The following SH3GL3 variants were observed in gnomAD, a reference collection of about 807,000 sequenced individuals.
The protein encoded by SH3GL3 is endophilin-A3.
Under a neutral mutation model 47.7 loss-of-function variants are expected in SH3GL3, and 33 were observed. That is an observed-to-expected ratio of 0.69 (90% CI 0.52 to 0.92). The LOEUF (loss-of-function observed/expected upper bound fraction) is 0.92, where lower values mean the gene tolerates loss of function less well. SH3GL3 is among the 40% of genes least tolerant of loss of function. The pLI is 0.00. For missense variants in SH3GL3, 363 were observed against 417.8 expected, an observed-to-expected ratio of 0.87 and a Z score of 1.14; for synonymous variants, 155 against 148.8, an observed-to-expected ratio of 1.04 and a Z score of -0.30.
At chr15:83,488,137 G>A (rs530431844) in intron 1 of SH3GL3, 345 of 152,264 alleles carry the variant, frequency 2.3e-3, no homozygotes, top group Non-Finnish European at 3.5e-3. Flanking sequence ...CGGCCTCCCA[G>A]AGTGCTGGGA....
At chr15:83,480,489 G>A (rs1032758321) in intron 1 of SH3GL3, among the ~76,000 whole-genome samples, 11 of 152,184 alleles carry the variant, frequency 7.2e-5, no homozygotes, top group Non-Finnish European at 1.2e-4. Context: ...ACCTTGTGGG[G>A]CCAGCATGAG....
At chr15:83,549,468 G>T (rs2044557446) in intron 1 of SH3GL3, among the ~76,000 whole-genome samples, 1 of 152,168 alleles carries the variant, frequency 6.6e-6, no homozygotes, top group African/African-American at 2.4e-5. Flanking sequence ...GTGAGGGCAT[G>T]TCCCCTTGCT....
intron 1 of SH3GL3, among the ~76,000 whole-genome samples, chr15:83,507,550 G>A (rs929145983): frequency 3.9e-5 from 6 of 151,972 alleles, no homozygotes; most frequent in African/African-American, 1.5e-4. Context: ...GAGTAGCTGG[G>A]ATTACAGGTG....
intron 1 of SH3GL3, among the ~76,000 whole-genome samples, chr15:83,556,087 G>A (rs991127078): frequency 5.3e-5 from 8 of 152,238 alleles, no homozygotes; most frequent in Non-Finnish European, 1.0e-4. Context: ...ACCAGAAATA[G>A]AAGCTTGAGT....
intron 8 of SH3GL3, among the ~76,000 whole-genome samples, chr15:83,596,873 C>A (rs1448546745): frequency 2.0e-5 from 3 of 152,068 alleles, no homozygotes; most frequent in Non-Finnish European, 4.4e-5. Flanking sequence ...TTTTGTCCTT[C>A]CTCGGACAAA....
intron 8 of SH3GL3, among the ~76,000 whole-genome samples, chr15:83,615,201 G>A (rs1473890990): frequency 1.3e-5 from 2 of 152,038 alleles, no homozygotes; most frequent in African/African-American, 4.8e-5. Flanking sequence ...TGAGAGAAAT[G>A]TGTCATATTA....
chr15:83,605,201 C>T (rs1449778283), intron 8 of SH3GL3, among the ~76,000 whole-genome samples: 1 of 152,190 alleles, frequency 6.6e-6, no homozygotes, highest in Non-Finnish European at 1.5e-5. Context: ...CACTGTGTGT[C>T]TTTTGCCTGT....
intron 1 of SH3GL3, among the ~76,000 whole-genome samples, chr15:83,489,862 GATAGATAGATAGATAGATAGATAGATA>G (rs2151578192): frequency 1.3e-5 from 2 of 150,474 alleles, no homozygotes; most frequent in African/African-American, 5.0e-5. Flanking sequence ...TAGATAGATA[GATAGATAGATAGATAGATAGATAGATA>G]ATAGATAGAT....
At chr15:83,575,254 T>TG (rs2059644362) in intron 5 of SH3GL3, among the ~76,000 whole-genome samples, 1 of 152,218 alleles carries the variant, frequency 6.6e-6, no homozygotes, top group East Asian at 1.9e-4. Flanking sequence ...TATTTCTTCT[T>TG]GTGCTGTCAT....
chr15:83,453,486 C>T (rs2039876485), intron 1 of SH3GL3, among the ~76,000 whole-genome samples: 1 of 142,706 alleles, frequency 7.0e-6, no homozygotes, highest in African/African-American at 2.6e-5. Flanking sequence ...AATTTCAGAG[C>T]CTGTTATTGG....
At chr15:83,599,902 T>C (rs553774375) in intron 8 of SH3GL3, among the ~76,000 whole-genome samples, 190 of 152,364 alleles carry the variant, frequency 1.2e-3, no homozygotes, top group African/African-American at 4.4e-3. Flanking sequence ...GGTAAGTTGA[T>C]ATCGCATTGT....
intron 1 of SH3GL3, among the ~76,000 whole-genome samples, chr15:83,531,178 T>C (rs1466925540): frequency 6.6e-6 from 1 of 152,224 alleles, no homozygotes; most frequent in Non-Finnish European, 1.5e-5. Context: ...GTGCTGAGGA[T>C]ACCATAATGA....
intron 1 of SH3GL3, among the ~76,000 whole-genome samples, chr15:83,554,693 G>T (rs1049355625): frequency 6.6e-6 from 1 of 152,160 alleles, no homozygotes; most frequent in African/African-American, 2.4e-5. Flanking sequence ...GTGCCTAGCC[G>T]ATTTCTTCTT....
rs1595985743 is a variant in SH3GL3, at chr15:83,447,605, G to A, written c.45+27G>A. 2 of 1,471,682 alleles carry A rather than the reference G, an allele frequency of 1.4e-6. No individual in the cohort carries two copies. Among genetic ancestry groups the A allele is most frequent in the Non-Finnish European group, 1.8e-6 (2 of 1,100,108 alleles). 91.2% of individuals were successfully genotyped at this position (1,471,682 alleles called of 1,614,324 possible). ...TAGGGAGGCGCAGAGGAGGGAAGGA[G>A]GGAGGGGGACGCGGAGGCTGCGGCC... On this transcript the variant is annotated intron_variant, in intron 1 of 8. Transcript: ENST00000427482. This position sits in a 1 kb window ranked among gnomAD's most constrained non-coding sequence, Gnocchi z 5.1.
At chr15:83,580,668 G>A (rs2059806639) in intron 6 of SH3GL3, among the ~76,000 whole-genome samples, 1 of 152,214 alleles carries the variant, frequency 6.6e-6, no homozygotes, top group African/African-American at 2.4e-5. Context: ...ACATGGCCTG[G>A]GCCTAAAGTC....
At chr15:83,518,262 G>T (rs10906976) in intron 1 of SH3GL3, among the ~76,000 whole-genome samples, 11,870 of 152,274 alleles carry the variant, frequency 0.078, 849 homozygotes, top group East Asian at 0.31. Context: ...CCAGTAATGG[G>T]ATTGCTGGGT....
rs146130776 is a variant in SH3GL3 at position 83,604,535 on chromosome 15, T to C, written c.839-13547T>C. Among the ~76,000 whole-genome samples, 655 of 152,298 alleles carry C rather than the reference T, an allele frequency of 4.3e-3. 2 individuals are homozygous for C. The highest frequency in any genetic ancestry group is 7.1e-3 in the Non-Finnish European group (482 of 68,028). On this transcript the variant is annotated intron_variant, in intron 8 of 8. Coordinates refer to ENST00000427482, the MANE Select transcript of SH3GL3 (RefSeq NM_003027.5). ...AGGGCCAACAGTATGCCAGGAGTTA[T>C]TATTTGGTGCTTTGTAGACATAGAC...
At chr15:83,626,988 G>A in the SH3GL3 span, among the ~76,000 whole-genome samples, 83 of 152,066 alleles carry the variant, frequency 5.5e-4, no homozygotes, top group African/African-American at 1.8e-3. Flanking sequence ...TGACCTTTCC[G>A]TATCAACATT....
the SH3GL3 span, among the ~76,000 whole-genome samples, chr15:83,625,509 G>A: frequency 2.3e-4 from 35 of 152,304 alleles, no homozygotes; most frequent in African/African-American, 7.2e-4. Context: ...AACCAGAGAA[G>A]GCCAGTCAAA....
Sources: allele counts gnomAD v4.1 joint callset (sites outside exome capture counted in the v4.1 genomes callset), GRCh38; gene constraint gnomAD v4.1.1; non-coding constraint Gnocchi (gnomAD v3.1); transcripts MANE v1.5; gene names NCBI Gene and HGNC (gene_info 2026-07-23, HGNC 2026-07-21).